EYS: variants seen among roughly 807,000 people sequenced by gnomAD.
EYS encodes the protein EGF-like photoreceptor maintenance factor.
EYS carries 250 observed loss-of-function variants against 282.1 expected under a neutral mutation model. That is an observed-to-expected ratio of 0.89 (90% confidence interval 0.80 to 0.98). The LOEUF (loss-of-function observed/expected upper bound fraction) is 0.98. EYS is among the 50% of genes least tolerant of loss of function. The pLI is 0.00. For synonymous variants in EYS, 1,355 were observed against 1,282.9 expected (o/e 1.06, Z -1.20); for missense variants, 4,016 against 3,709.0 (o/e 1.08, Z -2.15).
intron 12 of EYS, among the ~76,000 whole-genome samples, chr6:65,106,846 A>G (rs930548688): frequency 1.3e-5 from 2 of 152,082 alleles, no homozygotes; most frequent in Admixed American, 6.6e-5. Context: ...ATATGTTGCT[A>G]TGAACTGTGA....
chr6:64,968,635 G>A (rs1408426455), intron 14 of EYS, among the ~76,000 whole-genome samples: 1 of 151,892 alleles, frequency 6.6e-6, no homozygotes, highest in Non-Finnish European at 1.5e-5. Context: ...CCTCAATTTG[G>A]CTTCCAAAAT....
chr6:64,552,744 C>CG (rs1765122919), intron 26 of EYS, among the ~76,000 whole-genome samples: 1 of 150,422 alleles, frequency 6.6e-6, no homozygotes, highest in African/African-American at 2.4e-5. Context: ...GAACCCCCCC[C>CG]ACCATCTCTA....
rs767990922 is a variant in EYS at position 65,689,523 on chromosome 6, A to AT, written c.-448+17611dup. Among the ~76,000 whole-genome samples the AT allele has an allele frequency of 4.7e-5, 7 of 150,262 alleles. No homozygotes were observed. The South Asian group carries it at 1.5e-3, about 32-fold the overall frequency. The stretch of plus-strand genomic sequence containing the variant: ...CATGTACCCTAAAACTTAAAGTATA[A>AT]TAAAAAAAATTATGTGTAAAAATTA... On this transcript the variant is annotated intron_variant, in intron 1 of 42. Coordinates refer to ENST00000503581, the MANE Select transcript of EYS (RefSeq NM_001142800.2).
At chr6:64,500,063 T>G (rs527437120) in intron 26 of EYS, among the ~76,000 whole-genome samples, 1 of 152,094 alleles carries the variant, frequency 6.6e-6, no homozygotes, top group African/African-American at 2.4e-5. Flanking sequence ...AAATTTGTTA[T>G]GATGAAAATA....
chr6:65,695,112 G>T (rs1769397839), intron 1 of EYS, among the ~76,000 whole-genome samples: 3 of 151,966 alleles, frequency 2.0e-5, no homozygotes, highest in Non-Finnish European at 4.4e-5. Context: ...AATATAATAT[G>T]CAAGGGCAAA....
intron 1 of EYS, among the ~76,000 whole-genome samples, chr6:65,682,665 G>A (rs138881828): frequency 4.6e-4 from 70 of 151,826 alleles, no homozygotes; most frequent in East Asian, 5.8e-4. Flanking sequence ...CATGCTCTCC[G>A]GGAGCTCCAA....
chr6:65,331,557 A>G (rs1016242288), intron 11 of EYS: 119 of 966,286 alleles, frequency 1.2e-4, no homozygotes, highest in Non-Finnish European at 1.4e-4. Flanking sequence ...AGAACTCATT[A>G]AAGTGTTGAT....
At chr6:64,404,994 T>TTTAC (rs1404025204) in intron 28 of EYS, among the ~76,000 whole-genome samples, 7 of 150,566 alleles carry the variant, frequency 4.6e-5, no homozygotes, top group African/African-American at 1.5e-4. Flanking sequence ...ATTTTATTTA[T>TTTAC]TTTAAAGTTC....
intron 22 of EYS, among the ~76,000 whole-genome samples, chr6:64,656,545 T>C (rs1385689274): frequency 6.6e-6 from 1 of 152,092 alleles, no homozygotes; most frequent in Non-Finnish European, 1.5e-5. Context: ...AGTAAGTTGG[T>C]AGATGAAAGA....
intron 26 of EYS, among the ~76,000 whole-genome samples, chr6:64,493,754 A>C (rs924223495): frequency 2.0e-5 from 3 of 151,604 alleles, no homozygotes; most frequent in African/African-American, 7.2e-5. Context: ...AGTTCTCAAC[A>C]TTCAGACTGG....
chr6:64,170,059 C>A (rs1225354604), intron 31 of EYS, among the ~76,000 whole-genome samples: 1 of 152,010 alleles, frequency 6.6e-6, no homozygotes, highest in Non-Finnish European at 1.5e-5. Context: ...TTTAGGTAGG[C>A]AATTAGTGGG....
At chr6:64,642,186 CAT>C (rs1226940000) in intron 22 of EYS, among the ~76,000 whole-genome samples, 1 of 152,092 alleles carries the variant, frequency 6.6e-6, no homozygotes, top group Non-Finnish European at 1.5e-5. Context: ...ATTGTTTGTC[CAT>C]TAGTCAGTTT....
intron 26 of EYS, among the ~76,000 whole-genome samples, chr6:64,573,693 C>T (rs1236078966): frequency 6.6e-6 from 1 of 152,130 alleles, no homozygotes; most frequent in African/African-American, 2.4e-5. Context: ...CATCAGTGGT[C>T]ATTAGAGGAA....
intron 12 of EYS, among the ~76,000 whole-genome samples, chr6:65,241,905 C>T (rs545466170): frequency 2.6e-5 from 4 of 151,924 alleles, no homozygotes; most frequent in Non-Finnish European, 4.4e-5. Context: ...TGTGTGCATG[C>T]GTGTGTGTAT....
At chr6:64,482,944 A>G (rs1464522327) in intron 26 of EYS, among the ~76,000 whole-genome samples, 1 of 151,646 alleles carries the variant, frequency 6.6e-6, no homozygotes, top group Admixed American at 6.6e-5. Flanking sequence ...GCGTCCACTG[A>G]CCTCCTTTAT....
At chr6:65,611,327 C>T (rs1401064774) in intron 2 of EYS, among the ~76,000 whole-genome samples, 1 of 151,918 alleles carries the variant, frequency 6.6e-6, no homozygotes. Context: ...CAGCATGCTT[C>T]CAACCAGTTT....
chr6:65,377,219 G>C (rs901992067), intron 8 of EYS, among the ~76,000 whole-genome samples: 3 of 152,126 alleles, frequency 2.0e-5, no homozygotes, highest in African/African-American at 7.2e-5. Flanking sequence ...TCAGGATTAA[G>C]AAAGTTACTC....
At chr6:65,371,693 C>G (rs978012012) in intron 8 of EYS, among the ~76,000 whole-genome samples, 2 of 115,148 alleles carry the variant, frequency 1.7e-5, no homozygotes, top group East Asian at 5.1e-4. Flanking sequence ...CTTCAAATTC[C>G]TCTCTCTCTC....
chr6:64,518,789 T>G (rs568678177), intron 26 of EYS, among the ~76,000 whole-genome samples: 1 of 107,644 alleles, frequency 9.3e-6, no homozygotes, highest in Admixed American at 9.4e-5. Context: ...GGCCCCCCCC[T>G]TCTCAGGGAA....
Sources: gnomAD v4.1 joint callset for allele counts (sites outside exome capture counted in the v4.1 genomes callset) on GRCh38, gnomAD v4.1.1 for gene constraint, MANE v1.5 for transcripts, NCBI Gene and HGNC (gene_info 2026-07-23, HGNC 2026-07-21) for gene names.